Variants in ALDH1L2 observed in about 807,000 individuals in gnomAD.
The protein encoded by ALDH1L2 is mitochondrial 10-formyltetrahydrofolate dehydrogenase.
ALDH1L2 carries 91 observed loss-of-function variants against 111.0 expected under a neutral mutation model. That is an observed-to-expected ratio of 0.82 (90% confidence interval 0.69 to 0.98). ALDH1L2 has a LOEUF of 0.98. ALDH1L2 is among the 50% of genes least tolerant of loss of function. The probability of loss-of-function intolerance (pLI) is 0.00; values close to 1 mark genes in which losing one functional copy is unlikely to be tolerated. For missense variants in ALDH1L2, 995 were observed against 1,126.8 expected (o/e 0.88, Z 1.67); for synonymous variants, 374 against 392.6 (o/e 0.95, Z 0.56).
intron 18 of ALDH1L2, among the ~76,000 whole-genome samples, chr12:105,037,052 GTGAACAGAGTC>G (rs1024760179): frequency 6.6e-6 from 1 of 152,126 alleles, no homozygotes; most frequent in Non-Finnish European, 1.5e-5. Context: ...AGGGCCAATG[GTGAACAGAGTC>G]TGCTTAGTGC....
Position 105,065,333 on chromosome 12 carries a change from T to C in ALDH1L2, c.720A>G (p.Glu240=). 1 of 1,611,968 alleles carries C rather than the reference T, an allele frequency of 6.2e-7. No homozygotes were observed. The highest frequency in any genetic ancestry group is 1.3e-5 in the African/African-American group (1 of 74,994). ...NAEISWDQSA[E]VLHNWIRGHD... ...GACCTCGAATCCAGTTATGTAAAAC[T>C]TCGGCAGACTGGTCCCAAGAAATCT... The change falls in exon 6 of 23, where the codon GAA becomes GAG. Residue 240 remains glutamate (E), a synonymous_variant. Coordinates refer to ENST00000258494, the MANE Select transcript of ALDH1L2 (RefSeq NM_001034173.4).
At position 105,058,391 on chromosome 12, in the gene ALDH1L2, A is replaced by G. The variant is rs77393944; in HGVS notation, c.1140-171T>C. Among the ~76,000 whole-genome samples the G allele has an allele frequency of 4.5e-3, 692 of 152,366 alleles. 21 individuals are homozygous for G. The East Asian group carries it at 0.079, about 17-fold the overall frequency. On this transcript the variant is annotated intron_variant, in intron 9 of 22. Transcript: ENST00000258494. ...AGAGAAATTGATAAGACTAGGGGCA[A>G]GAAATTAAAAATATATCTTGAAGGA...
intron 20 of ALDH1L2, among the ~76,000 whole-genome samples, chr12:105,030,743 C>T (rs1874652163): frequency 1.3e-5 from 2 of 152,130 alleles, no homozygotes; most frequent in Non-Finnish European, 2.9e-5. Context: ...ATAATTTTAA[C>T]ACCTCAGTAT....
At chr12:105,050,776 A>G (rs1876209486) in intron 12 of ALDH1L2, 3 of 408,170 alleles carry the variant, frequency 7.3e-6, no homozygotes, top group Non-Finnish European at 1.5e-5. Flanking sequence ...GTGCAGGGGA[A>G]CTGCCCTTTA....
At chr12:105,080,006 G>C (rs59840770) in intron 1 of ALDH1L2, among the ~76,000 whole-genome samples, 3,382 of 152,188 alleles carry the variant, frequency 0.022, 84 homozygotes, top group African/African-American at 0.055. Flanking sequence ...GTATTCCTTA[G>C]TGTAGCTATA....
chr12:105,040,547 C>A, intron 16 of ALDH1L2, 60 bp downstream of exon 16: 1 of 1,485,832 alleles, frequency 6.7e-7, no homozygotes, highest in South Asian at 1.1e-5. Flanking sequence ...GTAAAAGAGC[C>A]ACTCAGCTAC....
At chr12:105,029,354 G>A (rs892931542) in intron 21 of ALDH1L2, among the ~76,000 whole-genome samples, 1 of 152,172 alleles carries the variant, frequency 6.6e-6, no homozygotes, top group African/African-American at 2.4e-5. Flanking sequence ...CAGAGGGTTA[G>A]TGAGGGGAGA....
At chr12:105,065,492 G>T (rs1210764826) in intron 5 of ALDH1L2, 136 bp from the exon 6 acceptor site, 9 of 640,712 alleles carry the variant, frequency 1.4e-5, no homozygotes, top group African/African-American at 1.3e-4. Context: ...GTTTTATTTG[G>T]AGTAAGTATT....
At chr12:105,068,263 G>A (rs1339981899) in intron 4 of ALDH1L2, among the ~76,000 whole-genome samples, 4 of 150,898 alleles carry the variant, frequency 2.7e-5, no homozygotes, top group African/African-American at 9.8e-5. Flanking sequence ...TGGTATACAT[G>A]TTTTGGGATT....
intron 22 of ALDH1L2, 150 bp downstream of exon 22, chr12:105,026,395 T>A (rs1874409520): frequency 4.0e-6 from 3 of 751,404 alleles, no homozygotes; most frequent in Non-Finnish European, 6.4e-6. Context: ...AAATGTTTAA[T>A]ATTTTAAAAA....
Position 105,062,353 on chromosome 12 carries a change from C to T in ALDH1L2, c.921+535G>A, listed in dbSNP as rs146523895. Among the ~76,000 whole-genome samples the T allele has an allele frequency of 1.1e-3, 156 of 137,656 alleles. 2 individuals are homozygous for T. Among genetic ancestry groups the T allele is most frequent in the African/African-American group, 3.7e-3 (146 of 39,400 alleles). The allele number at this position is 137,656 out of a possible 152,430, so 90.3% of individuals were successfully genotyped here. A position where few individuals can be genotyped will look rare whatever the true frequency, so the allele number is the denominator to read the frequency against. Reference sequence around the variant, plus strand: ...TGGAACTAGCGGCCTACAGTCTTAACGATTTATCCTGCAGCAACTGGAAAA... The same window carrying T: ...TGGAACTAGCGGCCTACAGTCTTAATGATTTATCCTGCAGCAACTGGAAAA... On this transcript the variant is annotated intron_variant, in intron 7 of 22. Transcript: ENST00000258494.
chr12:105,029,654 A>G (rs948466130), intron 21 of ALDH1L2, among the ~76,000 whole-genome samples: 13 of 152,146 alleles, frequency 8.5e-5, no homozygotes, highest in African/African-American at 2.9e-4. Context: ...CTTTTATACT[A>G]TATCTATTAA....
chr12:105,049,045 A>C (rs557408598), intron 13 of ALDH1L2, among the ~76,000 whole-genome samples: 1 of 131,428 alleles, frequency 7.6e-6, no homozygotes, highest in East Asian at 2.3e-4. Context: ...AAAGAAAAAA[A>C]AATTTTTTTT....
At chr12:105,061,489 T>C in intron 8 of ALDH1L2, 138 bp downstream of exon 8, 1 of 1,279,662 alleles carries the variant, frequency 7.8e-7, no homozygotes, top group Non-Finnish European at 1.1e-6. Flanking sequence ...AATTTGGAGG[T>C]TGATTTCCTC....
At chr12:105,029,216 G>A (rs1360512879) in intron 21 of ALDH1L2, among the ~76,000 whole-genome samples, 1 of 152,068 alleles carries the variant, frequency 6.6e-6, no homozygotes, top group African/African-American at 2.4e-5. Flanking sequence ...AATTTTTGTA[G>A]AGACAGGGTC....
chr12:105,065,143 G>C (rs1331331186), intron 6 of ALDH1L2, 124 bp downstream of exon 6: 3 of 570,522 alleles, frequency 5.3e-6, no homozygotes, highest in East Asian at 7.2e-5. Context: ...GTAAAGGGGA[G>C]AGTGAATCAC....
chr12:105,065,132 A>C, intron 6 of ALDH1L2, 135 bp downstream of exon 6: 1 of 504,346 alleles, frequency 2.0e-6, no homozygotes, highest in Non-Finnish European at 3.7e-6. Flanking sequence ...ATACATGCTG[A>C]GTAAAGGGGA....
rs926782419 is a variant in ALDH1L2 at position 105,026,606 on chromosome 12, G to C, written c.2655C>G (p.Asn885Lys). 15 of 1,613,906 alleles carry C rather than the reference G, an allele frequency of 9.3e-6. No individual in the cohort carries two copies. Among genetic ancestry groups the C allele is most frequent in the African/African-American group, 1.3e-5 (1 of 74,910 alleles). ...EAGTVFINTYNKTDVAAPFGG... is the reference protein window; with the variant it reads ...EAGTVFINTYKKTDVAAPFGG... ...CAAATGGGGCCGCCACATCTGTCTT[G>C]TTGTATGTGTTAATAAAAACAGTTC... Residue 885 changes from asparagine (N) to lysine (K), a missense_variant, in exon 22 of 23, where the codon AAC (asparagine) becomes AAG (lysine). Asn to Lys is a moderately conservative substitution (Grantham distance 94). Coordinates refer to ENST00000258494, the MANE Select transcript of ALDH1L2 (RefSeq NM_001034173.4).
intron 1 of ALDH1L2, among the ~76,000 whole-genome samples, chr12:105,081,523 C>T (rs1878337306): frequency 6.6e-6 from 1 of 152,150 alleles, no homozygotes; most frequent in Non-Finnish European, 1.5e-5. Context: ...ACAGACCTGA[C>T]CCAGACACTG....
Sources: allele counts gnomAD v4.1 joint callset (sites outside exome capture counted in the v4.1 genomes callset), GRCh38; gene constraint gnomAD v4.1.1; transcripts MANE v1.5; gene names NCBI Gene and HGNC (gene_info 2026-07-23, HGNC 2026-07-21).